Variants in MRRF observed in about 807,000 individuals in gnomAD.
MRRF encodes mitochondrial ribosome recycling factor.
Under a neutral mutation model 25.1 loss-of-function variants are expected in MRRF, and 18 were observed. The ratio of observed to expected loss-of-function variants is 0.72; its 90% CI spans 0.50 to 1.06. MRRF has a LOEUF of 1.06. Ranked by LOEUF, MRRF falls within the 50% of genes least tolerant of loss-of-function variation. The pLI is 0.00. For missense variants in MRRF, 323 were observed against 319.3 expected, an observed-to-expected ratio of 1.01 and a Z score of -0.09; for synonymous variants, 113 against 112.1, an observed-to-expected ratio of 1.01 and a Z score of -0.05.
chr9:122,316,781 C>T (rs1281920908), intron 6 of MRRF, among the ~76,000 whole-genome samples: 34 of 150,916 alleles, frequency 2.3e-4, no homozygotes, highest in Non-Finnish European at 4.3e-4. Flanking sequence ...GAGAGGCAAC[C>T]GCTCTTAACA....
intron 5 of MRRF, among the ~76,000 whole-genome samples, chr9:122,295,634 C>T (rs536190830): frequency 3.3e-5 from 5 of 151,964 alleles, no homozygotes; most frequent in Non-Finnish European, 5.9e-5. Context: ...TTAGTAGAGA[C>T]GGGATTTCAC....
intron 4 of MRRF, among the ~76,000 whole-genome samples, chr9:122,288,984 T>C (rs921986950): frequency 6.6e-6 from 1 of 152,122 alleles, no homozygotes. Flanking sequence ...ATCCTTTCCG[T>C]GAAGGGATGA....
At chr9:122,276,965 A>G (rs1314118104) in intron 2 of MRRF, among the ~76,000 whole-genome samples, 2 of 152,044 alleles carry the variant, frequency 1.3e-5, no homozygotes, top group East Asian at 3.9e-4. Context: ...GGCTCAACTG[A>G]TTCTCCTACC....
chr9:122,275,496 A>G (rs1203532929), intron 2 of MRRF, among the ~76,000 whole-genome samples: 1 of 152,088 alleles, frequency 6.6e-6, no homozygotes, highest in Non-Finnish European at 1.5e-5. Context: ...TTAGCCAGGC[A>G]TGGTGGCATG....
In MRRF at chr9:122,280,597, A is replaced by G. The variant is rs144994078; in HGVS notation, c.339A>G (p.Pro113=). The change falls in exon 3 of 7, where the codon CCA becomes CCG. Residue 113 remains proline, a splice_region_variant and synonymous_variant. Coordinates refer to ENST00000344641, the MANE Select transcript of MRRF (RefSeq NM_138777.5). ...AGACTCTCAATATAAGGACCTCACC[A>G]GGTTAGTGACTGAACCAATGTTCTG... is the stretch of plus-strand genomic sequence containing the variant. ...FNKTLNIRTS[P]GSLDKIAVVT... 2,839 of 1,613,808 alleles carry G rather than the reference A, an allele frequency of 1.8e-3. 5 individuals carry two copies. The highest frequency in any genetic ancestry group is 2.2e-3 in the Non-Finnish European group (2,549 of 1,179,732).
intron 5 of MRRF, among the ~76,000 whole-genome samples, chr9:122,303,998 A>G (rs957083138): frequency 1.3e-5 from 2 of 151,980 alleles, no homozygotes; most frequent in Non-Finnish European, 2.9e-5. Context: ...TACATCACAC[A>G]CACACACACA....
chr9:122,270,880 T>C lies in MRRF; in HGVS notation c.-12T>C. 1 of 1,613,542 alleles carries C rather than the reference T, an allele frequency of 6.2e-7. No individual in the cohort carries two copies. The highest frequency in any genetic ancestry group is 8.5e-7 in the Non-Finnish European group (1 of 1,179,414). On this transcript the variant is annotated 5_prime_UTR_variant, in exon 2 of 7. Coordinates refer to ENST00000344641, the MANE Select transcript of MRRF (RefSeq NM_138777.5). ...TCTTTTTAGTGGATGTTTCCAAGGA[T>C]TGTCTTCAGTCATGGCCTTGGGATT...
chr9:122,309,365 T>A (rs1187460025), intron 5 of MRRF, among the ~76,000 whole-genome samples: 1 of 152,230 alleles, frequency 6.6e-6, no homozygotes, highest in Non-Finnish European at 1.5e-5. Flanking sequence ...CTTGCCAGCC[T>A]CTCCACCCTT....
chr9:122,300,873 G>A (rs780141069), intron 5 of MRRF, among the ~76,000 whole-genome samples: 2 of 152,162 alleles, frequency 1.3e-5, no homozygotes, highest in Non-Finnish European at 2.9e-5. Flanking sequence ...AAGACCTCCT[G>A]GAAGGCATAT....
At chr9:122,287,107 G>T (rs778504542) in intron 4 of MRRF, among the ~76,000 whole-genome samples, 3 of 152,280 alleles carry the variant, frequency 2.0e-5, no homozygotes, top group Non-Finnish European at 1.5e-5. Context: ...AGCCTTTCCT[G>T]ACCTCTCCAA....
chr9:122,297,997 C>G (rs1306948006), intron 5 of MRRF, among the ~76,000 whole-genome samples: 6 of 152,124 alleles, frequency 3.9e-5, no homozygotes, highest in Non-Finnish European at 8.8e-5. Flanking sequence ...AGGCTCTATA[C>G]TCTATGATTG....
rs1200303646 is a variant in MRRF, at chr9:122,325,637, T to C, written c.*3020T>C. On this transcript the variant is annotated 3_prime_UTR_variant, in exon 7 of 7. Transcript: ENST00000344641. ...GAGAATTTTTTTCCTGTCTGGTGTG[T>C]GTGTGTGTGTGTGTGTGTGTGTGTG... is the stretch of plus-strand genomic sequence containing the variant. The C allele has an allele frequency of 3.0e-5, 2 of 66,286 alleles. No homozygotes were observed. Among genetic ancestry groups the C allele is most frequent in the Non-Finnish European group, 7.0e-5 (2 of 28,560 alleles). 4.1% of individuals were successfully genotyped at this position (66,286 alleles called of 1,614,324 possible).
chr9:122,287,848 G>A (rs563170832), intron 4 of MRRF, among the ~76,000 whole-genome samples: 10 of 152,206 alleles, frequency 6.6e-5, no homozygotes, highest in African/African-American at 1.4e-4. Context: ...CCTTTATCTC[G>A]TCTGTTGTAT....
At chr9:122,273,022 CCTGA>C (rs1259373570) in intron 2 of MRRF, among the ~76,000 whole-genome samples, 4 of 152,174 alleles carry the variant, frequency 2.6e-5, no homozygotes, top group South Asian at 2.1e-4. Context: ...TTTCATACTG[CCTGA>C]CTTAGTGTCA....
chr9:122,270,686 G>C, intron 1 of MRRF, 178 bp from the exon 2 acceptor site: 1 of 580,512 alleles, frequency 1.7e-6, no homozygotes. Context: ...GTAAAATGAG[G>C]CAAATAATAT....
chr9:122,306,352 G>A (rs1834846333), intron 5 of MRRF, among the ~76,000 whole-genome samples: 1 of 152,184 alleles, frequency 6.6e-6, no homozygotes, highest in South Asian at 2.1e-4. Flanking sequence ...TTATTAGCTT[G>A]TTTAATCCTC....
intron 4 of MRRF, among the ~76,000 whole-genome samples, chr9:122,289,611 A>G (rs1404274499): frequency 6.7e-6 from 1 of 150,060 alleles, no homozygotes; most frequent in Non-Finnish European, 1.5e-5. Context: ...TTTTTTTTTT[A>G]AGGAAGATGG....
At chr9:122,286,126 T>C in intron 4 of MRRF, 1 of 1,266,444 alleles carries the variant, frequency 7.9e-7, no homozygotes, top group Non-Finnish European at 1.0e-6. Flanking sequence ...GGCAAGTTGC[T>C]TCACTCTCTG....
chr9:122,267,108 G>A (rs1232037545), intron 1 of MRRF, among the ~76,000 whole-genome samples: 3 of 146,672 alleles, frequency 2.0e-5, no homozygotes, highest in Middle Eastern at 4.1e-3. Context: ...GGCCGGCGCA[G>A]TGGCTCACGC....
Sources: allele counts gnomAD v4.1 joint callset (sites outside exome capture counted in the v4.1 genomes callset), GRCh38; gene constraint gnomAD v4.1.1; transcripts MANE v1.5; gene names NCBI Gene and HGNC (gene_info 2026-07-23, HGNC 2026-07-21).